ABCF3: variants seen among roughly 807,000 people sequenced by gnomAD.
The protein encoded by ABCF3 is ATP binding cassette subfamily F member 3.
Under a neutral mutation model 94.3 loss-of-function variants are expected in ABCF3, and 62 were observed. The observed-to-expected ratio is 0.66, with a 90% CI of 0.54 to 0.81. The LOEUF (loss-of-function observed/expected upper bound fraction) is 0.81. Ranked by LOEUF, ABCF3 falls within the 40% of genes least tolerant of loss-of-function variation. The probability of loss-of-function intolerance (pLI) is 0.00; values close to 1 mark genes in which losing one functional copy is unlikely to be tolerated. For synonymous variants in ABCF3, 355 were observed against 361.1 expected (o/e 0.98, Z 0.19); for missense variants, 843 against 925.3 (o/e 0.91, Z 1.15).
Position 184,189,237 on chromosome 3 carries a change from A to G in ABCF3, c.1035-18A>G, listed in dbSNP as rs759838260. ...AGTTGCTGACCTAAAACCTCAGGCCATGTATTGTTTTTCATAGGCCAGATC... is the reference window on the plus strand; with the variant it reads ...AGTTGCTGACCTAAAACCTCAGGCCGTGTATTGTTTTTCATAGGCCAGATC... On this transcript the variant is annotated intron_variant, in intron 10 of 20. Transcript: ENST00000429586. The G allele has an allele frequency of 1.2e-6, 2 of 1,614,152 alleles. No individual in the cohort carries two copies. Among genetic ancestry groups the G allele is most frequent in the South Asian group, 1.1e-5 (1 of 91,072 alleles).
In ABCF3 at chr3:184,190,379, T is replaced by A. The variant is rs115959396; in HGVS notation, c.1391+448T>A. On this transcript the variant is annotated intron_variant, in intron 14 of 20. Coordinates refer to ENST00000429586, the MANE Select transcript of ABCF3 (RefSeq NM_018358.3). ...TTGTTTCCATTTTGGTTATTATGAA[T>A]AATGTTGCTGTGAACATTGGTGTAC... 2.2e-3 allele frequency: 430 copies of A among 194,724 alleles called. 1 individual carries two copies. The highest frequency in any genetic ancestry group is 9.4e-3 in the African/African-American group (397 of 42,374). The allele number at this position is 194,724 out of a possible 1,614,324, so 12.1% of individuals were successfully genotyped here. A position where few individuals can be genotyped will look rare whatever the true frequency, so the allele number is the denominator to read the frequency against.
chr3:184,188,842 G>GT lies in ABCF3; in HGVS notation c.917+2dup. The GT allele has an allele frequency of 6.2e-7, 1 of 1,614,002 alleles. No individual in the cohort carries two copies. Among genetic ancestry groups the GT allele is most frequent in the Non-Finnish European group, 8.5e-7 (1 of 1,179,938 alleles). On this transcript the variant is annotated splice_donor_variant, in intron 8 of 20. Coordinates refer to ENST00000429586, the MANE Select transcript of ABCF3 (RefSeq NM_018358.3). LOFTEE classifies it high-confidence loss of function. ...TTGAGGCTGACAAGGCACCTGCCAGGTATTTAAAGCTCCCCCTCCCTCCTT... is the reference window on the plus strand; with the variant it reads ...TTGAGGCTGACAAGGCACCTGCCAGGTTATTTAAAGCTCCCCCTCCCTCCTT...
rs765189328 is a variant in ABCF3, at chr3:184,187,382, TC to T, written c.302-14del. ...CCCTCAGGGAGAAGGTGACTGCTTT[TC>T]TTATCGCTTACAGACTGTGGAACCA... is the stretch of plus-strand genomic sequence containing the variant. On this transcript the variant is annotated splice_polypyrimidine_tract_variant and intron_variant, in intron 3 of 20. Transcript: ENST00000429586. The T allele has an allele frequency of 5.6e-6, 9 of 1,613,838 alleles. No individual in the cohort carries two copies. The highest frequency in any genetic ancestry group is 6.8e-6 in the Non-Finnish European group (8 of 1,180,028).
At chr3:184,187,062 T>G in intron 3 of ABCF3, 187 bp downstream of exon 3, 1 of 663,648 alleles carries the variant, frequency 1.5e-6, no homozygotes, top group Non-Finnish European at 2.5e-6. Flanking sequence ...GGGTTCTCCC[T>G]CCAAGCTCTT....
chr3:184,190,220 T>G, intron 14 of ABCF3: 2 of 477,370 alleles, frequency 4.2e-6, no homozygotes, highest in Admixed American at 3.6e-5. Context: ...CTGGTGTCTT[T>G]TACCTGGCGT....
chr3:184,187,339 A>G, intron 3 of ABCF3, 58 bp from the exon 4 acceptor site: 1 of 1,607,534 alleles, frequency 6.2e-7, no homozygotes, highest in Non-Finnish European at 8.5e-7. Flanking sequence ...TTAGTCACTC[A>G]AAATGTTAGT....
chr3:184,190,948 G>GAAGTTATTTTTTTAAGTAATAAAT, intron 14 of ABCF3, 51 bp from the exon 15 acceptor site: 1 of 1,600,874 alleles, frequency 6.2e-7, no homozygotes. Flanking sequence ...ACTCGTGTAG[G>GAAGTTATTTTTTTAAGTAATAAAT]AAGTTATTTT....
Position 184,192,868 on chromosome 3 carries a change from T to G in ABCF3, c.1722T>G (p.Ala574=). 1 of 1,614,166 alleles carries G rather than the reference T, an allele frequency of 6.2e-7. No homozygotes were observed. Among genetic ancestry groups the G allele is most frequent in the Middle Eastern group, 1.7e-4 (1 of 6,052 alleles). ...AGCAGCTGGACCTAAACGTCAGTGC[T>G]GTGGAACTGCTGGCACGCAAGTTTC... The part of the protein sequence containing the change: ...HVEQLDLNVS[A]VELLARKFPG... Residue 574 remains alanine (A), a synonymous_variant, in exon 18 of 21, where the codon GCT becomes GCG. Coordinates refer to ENST00000429586, the MANE Select transcript of ABCF3 (RefSeq NM_018358.3).
intron 7 of ABCF3, 101 bp downstream of exon 7, chr3:184,188,508 A>G: frequency 6.8e-7 from 1 of 1,465,108 alleles, no homozygotes; most frequent in African/African-American, 1.4e-5. Context: ...CCTAGTAATC[A>G]GCAGAGCTTA....
At position 184,193,295 on chromosome 3, in the gene ABCF3, CTG is replaced by C. The variant is rs1361720403; in HGVS notation, c.1883+63_1883+64del. On this transcript the variant is annotated intron_variant, in intron 19 of 20. Transcript: ENST00000429586. The surrounding 1 kb of genome is among the most constrained non-coding windows in gnomAD (Gnocchi z 5.2). ...TTTCCCCTTCTTGCCCAGTAGAAAACTGTATCAGAAGGCTTTATTTTCTCTCA... is the reference window on the plus strand; with the variant it reads ...TTTCCCCTTCTTGCCCAGTAGAAAACTATCAGAAGGCTTTATTTTCTCTCA... The C allele has an allele frequency of 2.5e-6, 4 of 1,610,012 alleles. No homozygotes were observed. The highest frequency in any genetic ancestry group is 1.1e-5 in the South Asian group (1 of 90,396).
rs763120005 is a variant in ABCF3, at chr3:184,189,838, C to CTAG, written c.1315-17_1315-16insTAG. The CTAG allele has an allele frequency of 6.2e-7, 1 of 1,614,194 alleles. No homozygotes were observed. Among genetic ancestry groups the CTAG allele is most frequent in the Non-Finnish European group, 8.5e-7 (1 of 1,180,030 alleles). ...AGTGGGGGAATTTGACCAATGCCTACACTCCTCCACCTGCAGGTTTTCATT... is the reference window on the plus strand; with the variant it reads ...AGTGGGGGAATTTGACCAATGCCTACTAGACTCCTCCACCTGCAGGTTTTCATT... On this transcript the variant is annotated splice_polypyrimidine_tract_variant and intron_variant, in intron 13 of 20. Coordinates refer to ENST00000429586, the MANE Select transcript of ABCF3 (RefSeq NM_018358.3).
chr3:184,192,574 CTG>C (rs1409654874), intron 16 of ABCF3, 25 bp from the exon 17 acceptor site: 1 of 1,595,098 alleles, frequency 6.3e-7, no homozygotes, highest in Non-Finnish European at 8.5e-7. Flanking sequence ...CTGGCACACA[CTG>C]TATGACATTT....
In ABCF3 at chr3:184,193,594, G is replaced by T; in HGVS notation, c.2026G>T (p.Glu676Ter). The part of the protein sequence containing the change: ...DERFIRLVCR[E>*]LWVCEGGGVT... ...GCGCTTTATCAGGCTGGTGTGCCGG[G>T]AGTTGTGGGTATGCGAAGGAGGCGG... The change falls in exon 21 of 21, where the codon GAG (glutamate) becomes TAG (stop). Residue 676 changes from glutamate to a stop codon, truncating the protein, a stop_gained. Transcript: ENST00000429586. LOFTEE classifies it high-confidence loss of function. This position sits in a 1 kb window ranked among gnomAD's most constrained non-coding sequence, Gnocchi z 5.2. 2 of 1,614,224 alleles carry T rather than the reference G, an allele frequency of 1.2e-6. No homozygotes were observed. Among genetic ancestry groups the T allele is most frequent in the Non-Finnish European group, 1.7e-6 (2 of 1,180,024 alleles).
chr3:184,191,679 C>T (rs1716030952), intron 16 of ABCF3, among the ~76,000 whole-genome samples: 1 of 150,480 alleles, frequency 6.6e-6, no homozygotes. Context: ...AAAAGTAAGT[C>T]CCCAGCACTT....
At chr3:184,192,539 ATG>A in intron 16 of ABCF3, 60 bp from the exon 17 acceptor site, 1 of 1,472,630 alleles carries the variant, frequency 6.8e-7, no homozygotes. Flanking sequence ...CCACATATGA[ATG>A]AGAACATACC....
chr3:184,193,008 A>G lies in ABCF3; in HGVS notation c.1751-94A>G. On this transcript the variant is annotated intron_variant, in intron 18 of 20. Transcript: ENST00000429586. This position sits in a 1 kb window ranked among gnomAD's most constrained non-coding sequence, Gnocchi z 5.2. ...CGTGCAGAGCAGCCCCGCCAAGCCT[A>G]GATGGAAGGACATGGGGACTTGGAG... The G allele has an allele frequency of 6.4e-7, 1 of 1,556,236 alleles. No individual in the cohort carries two copies. The highest frequency in any genetic ancestry group is 8.7e-7 in the Non-Finnish European group (1 of 1,148,504).
At position 184,189,867 on chromosome 3, in the gene ABCF3, C is replaced by T. The variant is rs143852274; in HGVS notation, c.1327C>T (p.Arg443Trp). The stretch of plus-strand genomic sequence containing the variant: ...CCTCCACCTGCAGGTTTTCATTGAC[C>T]GGTTTCGCTACAATGCCAACAGGGC... The part of the protein sequence containing the change: ...YRQHIQVFID[R>W]FRYNANRASQ... Residue 443 changes from arginine (R) to tryptophan (W), a missense_variant, in exon 14 of 21, where the codon CGG (arginine) becomes TGG (tryptophan). Transcript: ENST00000429586. 4 of 1,614,186 alleles carry T rather than the reference C, an allele frequency of 2.5e-6. No homozygotes were observed. Among genetic ancestry groups the T allele is most frequent in the Non-Finnish European group, 2.5e-6 (3 of 1,180,052 alleles).
chr3:184,188,112 T>C, intron 6 of ABCF3, 29 bp from the exon 7 acceptor site: 1 of 1,610,846 alleles, frequency 6.2e-7, no homozygotes, highest in Non-Finnish European at 8.5e-7. Context: ...TTCTAGAGCA[T>C]CTTTGGTCTC....
intron 1 of ABCF3, 86 bp from the exon 2 acceptor site, chr3:184,186,421 T>A: frequency 6.3e-7 from 1 of 1,581,564 alleles, no homozygotes; most frequent in Non-Finnish European, 8.6e-7. Context: ...GTCTGGAGCC[T>A]GGACTGGGGC....
Sources: allele counts gnomAD v4.1 joint callset (sites outside exome capture counted in the v4.1 genomes callset), GRCh38; gene constraint gnomAD v4.1.1; non-coding constraint Gnocchi (gnomAD v3.1); transcripts MANE v1.5; gene names NCBI Gene and HGNC (gene_info 2026-07-23, HGNC 2026-07-21).